PUS10: variants seen among roughly 807,000 people sequenced by gnomAD.
The protein encoded by PUS10 is tRNA pseudouridine synthase Pus10.
Under a neutral mutation model 75.0 loss-of-function variants are expected in PUS10, and 59 were observed. That is an observed-to-expected ratio of 0.79 (90% CI 0.64 to 0.98). PUS10 has a LOEUF of 0.98. Ranked by LOEUF, PUS10 falls within the 50% of genes least tolerant of loss-of-function variation. PUS10 has a pLI of 0.00. For synonymous variants in PUS10, 219 were observed against 211.6 expected (o/e 1.03, Z -0.30); for missense variants, 650 against 614.4 (o/e 1.06, Z -0.61).
intron 11 of PUS10, among the ~76,000 whole-genome samples, chr2:60,959,095 A>G (rs1288894213): frequency 2.6e-5 from 4 of 152,280 alleles, no homozygotes; most frequent in South Asian, 4.1e-4. Context: ...GCTCGTTAAT[A>G]CCTAAATTCA....
At chr2:61,015,570 G>A (rs907170990) in intron 1 of PUS10, among the ~76,000 whole-genome samples, 10 of 152,222 alleles carry the variant, frequency 6.6e-5, no homozygotes, top group East Asian at 1.9e-4. Context: ...GTGGTGGCAC[G>A]CACCTGTAGT....
At chr2:61,004,542 C>G (rs927936032) in intron 4 of PUS10, among the ~76,000 whole-genome samples, 1 of 144,616 alleles carries the variant, frequency 6.9e-6, no homozygotes, top group Non-Finnish European at 1.5e-5. Context: ...GGCAGGAGAA[C>G]GGCATGAACC....
chr2:61,006,679 AT>A (rs1309383132), intron 3 of PUS10, 36 bp from the exon 4 acceptor site: 2 of 1,496,246 alleles, frequency 1.3e-6, no homozygotes. Flanking sequence ...ATTCCCAGGA[AT>A]TGCTGAAAAT....
chr2:60,992,574 C>T (rs74501327), intron 4 of PUS10, among the ~76,000 whole-genome samples: 69 of 152,274 alleles, frequency 4.5e-4, no homozygotes, highest in Admixed American at 1.6e-3. Flanking sequence ...CCCAGCCTCA[C>T]AGAAAATTTA....
At chr2:60,997,262 T>C (rs924905728) in intron 4 of PUS10, among the ~76,000 whole-genome samples, 4 of 152,220 alleles carry the variant, frequency 2.6e-5, no homozygotes, top group African/African-American at 9.7e-5. Flanking sequence ...TATTGAAAGA[T>C]GCTTAAGGGG....
chr2:60,965,249 G>A, intron 7 of PUS10, 146 bp from the exon 8 acceptor site: 1 of 989,390 alleles, frequency 1.0e-6, no homozygotes, highest in Non-Finnish European at 1.6e-6. Flanking sequence ...ATATCGGTTT[G>A]CCCAGGAACT....
At chr2:60,960,280 G>A (rs67927699) in intron 11 of PUS10, 112 bp downstream of exon 11, 4 of 793,002 alleles carry the variant, frequency 5.0e-6, no homozygotes, top group Non-Finnish European at 7.2e-6. Flanking sequence ...GGAAGTCAAG[G>A]CTGCCATAAG....
chr2:60,981,093 AT>A (rs1347154364), intron 4 of PUS10, among the ~76,000 whole-genome samples: 1 of 151,956 alleles, frequency 6.6e-6, no homozygotes, highest in Non-Finnish European at 1.5e-5. Context: ...GGGTTTCGCC[AT>A]GTTGGCCAGG....
chr2:60,961,628 G>C, intron 9 of PUS10, 80 bp from the exon 10 acceptor site: 6 of 1,225,390 alleles, frequency 4.9e-6, no homozygotes, highest in Non-Finnish European at 7.2e-6. Context: ...AGCATTGTCT[G>C]AGACATACAC....
intron 4 of PUS10, among the ~76,000 whole-genome samples, chr2:60,999,299 T>C (rs1295731164): frequency 6.6e-6 from 1 of 152,110 alleles, no homozygotes; most frequent in Non-Finnish European, 1.5e-5. Context: ...GATGTAGAAG[T>C]TTAGAGGAAT....
At chr2:60,989,948 C>G (rs923444442) in intron 4 of PUS10, among the ~76,000 whole-genome samples, 8 of 152,070 alleles carry the variant, frequency 5.3e-5, no homozygotes, top group Non-Finnish European at 1.0e-4. Flanking sequence ...ATTCTGTACT[C>G]TTCAATATGA....
chr2:60,987,923 A>G (rs1677822553), intron 4 of PUS10, among the ~76,000 whole-genome samples: 1 of 151,344 alleles, frequency 6.6e-6, no homozygotes, highest in Non-Finnish European at 1.5e-5. Context: ...CCTCTGTCTC[A>G]AGAAAAAAAA....
chr2:60,962,745 C>CAG, intron 9 of PUS10, 81 bp downstream of exon 9: 1 of 1,498,296 alleles, frequency 6.7e-7, no homozygotes, highest in South Asian at 1.3e-5. Flanking sequence ...CATCTTGTTT[C>CAG]AGAGATAATC....
In PUS10 at chr2:60,948,194, G is replaced by A; in HGVS notation, c.1309-9C>T. 1 of 1,613,868 alleles carries A rather than the reference G, an allele frequency of 6.2e-7. No individual in the cohort carries two copies. The highest frequency in any genetic ancestry group is 8.5e-7 in the Non-Finnish European group (1 of 1,179,790). ...TGGTCGATTTTTAAGTCCTAGGGGAGAATATGACACACAGTCCCAGAGTCA... is the reference window on the plus strand; with the variant it reads ...TGGTCGATTTTTAAGTCCTAGGGGAAAATATGACACACAGTCCCAGAGTCA... On this transcript the variant is annotated splice_polypyrimidine_tract_variant and intron_variant, in intron 15 of 17. Transcript: ENST00000316752.
At chr2:60,998,878 G>A (rs1191185693) in intron 4 of PUS10, 1 of 151,834 alleles carries the variant, frequency 6.6e-6, no homozygotes, top group African/African-American at 2.4e-5. Context: ...AATTTTCTAG[G>A]GTCATGTATA....
rs1301391560 is a variant in PUS10, at chr2:60,955,085, C to T, written c.1001-11G>A. ...ATGAAAAATTAAAACCTTTGAAAAG[C>T]AGATAAAGAAAAAAAAATTAGAGAC... On this transcript the variant is annotated splice_polypyrimidine_tract_variant and intron_variant, in intron 11 of 17. Transcript: ENST00000316752. The T allele has an allele frequency of 6.4e-7, 1 of 1,566,100 alleles. No individual in the cohort carries two copies. Among genetic ancestry groups the T allele is most frequent in the Non-Finnish European group, 8.7e-7 (1 of 1,153,340 alleles).
chr2:60,950,836 TAAAC>T (rs757551024), intron 15 of PUS10, among the ~76,000 whole-genome samples: 1 of 152,234 alleles, frequency 6.6e-6, no homozygotes, highest in African/African-American at 2.4e-5. Flanking sequence ...TTAAAGCCCT[TAAAC>T]ACCATGTACA....
chr2:60,957,516 G>A (rs4643526), intron 11 of PUS10, among the ~76,000 whole-genome samples: 51,314 of 152,218 alleles, frequency 0.34, 13,900 homozygotes, highest in African/African-American at 0.75. Flanking sequence ...AACATAACAC[G>A]GTGCTGTACC....
At chr2:60,956,956 C>A (rs1034314660) in intron 11 of PUS10, among the ~76,000 whole-genome samples, 1 of 108,196 alleles carries the variant, frequency 9.2e-6, no homozygotes, top group East Asian at 2.8e-4. Context: ...GCCCGGGTGA[C>A]AGAGCGAGAC....
Sources: gnomAD v4.1 joint callset for allele counts (sites outside exome capture counted in the v4.1 genomes callset) on GRCh38, gnomAD v4.1.1 for gene constraint, MANE v1.5 for transcripts, NCBI Gene and HGNC (gene_info 2026-07-23, HGNC 2026-07-21) for gene names.